Variants in NCKAP1L observed in about 807,000 individuals in gnomAD.
NCKAP1L encodes nck-associated protein 1-like.
NCKAP1L carries 53 observed loss-of-function variants against 139.2 expected under a neutral mutation model. That is an observed-to-expected ratio of 0.38 (90% confidence interval 0.31 to 0.48). The LOEUF (loss-of-function observed/expected upper bound fraction) is 0.48. Ranked by LOEUF, NCKAP1L falls within the 20% of genes least tolerant of loss-of-function variation. NCKAP1L has a pLI of 0.98. For synonymous variants in NCKAP1L, 468 were observed against 499.7 expected (o/e 0.94, Z 0.85); for missense variants, 1,151 against 1,381.9 (o/e 0.83, Z 2.65).
intron 10 of NCKAP1L, 22 bp from the exon 11 acceptor site, chr12:54,516,874 A>G (rs1233240597): frequency 2.5e-6 from 4 of 1,605,788 alleles, no homozygotes; most frequent in East Asian, 2.2e-5. Flanking sequence ...GGTGATAGTC[A>G]TGTTCCCCTT....
chr12:54,507,652 G>A (rs1956853696), intron 3 of NCKAP1L, among the ~76,000 whole-genome samples: 1 of 152,146 alleles, frequency 6.6e-6, no homozygotes, highest in South Asian at 2.1e-4. Context: ...GGAAATGTAG[G>A]CATTTGGCAG....
chr12:54,526,533 T>C lies in NCKAP1L; in HGVS notation c.2162T>C (p.Ile721Thr). ...TTTTTTTTTAAATCACCTAGAGCCA[T>C]TGTGTGGCTGGCTGGCTACAATGCC... ...SHLEARLNRAIVWLAGYNATT... is the reference protein window; with the variant it reads ...SHLEARLNRATVWLAGYNATT... The change falls in exon 21 of 31, where the codon ATT (isoleucine) becomes ACT (threonine). Residue 721 changes from isoleucine (I) to threonine (T), a missense_variant. Physicochemically the swap from Ile to Thr is moderately conservative, Grantham distance 89 (BLOSUM62 -1). Transcript: ENST00000293373. 6.2e-7 allele frequency: 1 copy of C among 1,613,172 alleles called. No homozygotes were observed. The highest frequency in any genetic ancestry group is 8.5e-7 in the Non-Finnish European group (1 of 1,179,164).
At chr12:54,504,525 T>A (rs911939778) in intron 3 of NCKAP1L, among the ~76,000 whole-genome samples, 1 of 152,140 alleles carries the variant, frequency 6.6e-6, no homozygotes, top group Non-Finnish European at 1.5e-5. Context: ...CAAAGGAGAT[T>A]TTAGAACACC....
chr12:54,506,459 G>A (rs1956839514), intron 3 of NCKAP1L, among the ~76,000 whole-genome samples: 1 of 151,762 alleles, frequency 6.6e-6, no homozygotes, highest in Non-Finnish European at 1.5e-5. Flanking sequence ...CTGGAGTGCA[G>A]TGGCATGATC....
chr12:54,525,718 C>T (rs1400056255), intron 20 of NCKAP1L, among the ~76,000 whole-genome samples: 1 of 152,084 alleles, frequency 6.6e-6, no homozygotes, highest in Non-Finnish European at 1.5e-5. Flanking sequence ...GTGGAGCAGA[C>T]CAGCCCCACC....
chr12:54,500,654 A>G (rs1565671037), intron 3 of NCKAP1L, 29 bp downstream of exon 3: 3 of 1,394,396 alleles, frequency 2.2e-6, no homozygotes, highest in Non-Finnish European at 3.1e-6. Flanking sequence ...TTTCCAATGT[A>G]GGCAAGGTCT....
chr12:54,518,412 G>A (rs369012621), intron 13 of NCKAP1L, among the ~76,000 whole-genome samples: 12 of 152,182 alleles, frequency 7.9e-5, no homozygotes, highest in South Asian at 6.2e-4. Context: ...AATCTCAGCC[G>A]TCTTTTTTTC....
At chr12:54,525,291 A>C (rs1957017669) in intron 20 of NCKAP1L, among the ~76,000 whole-genome samples, 1 of 152,242 alleles carries the variant, frequency 6.6e-6, no homozygotes, top group Admixed American at 6.5e-5. Flanking sequence ...CAGGGAAACC[A>C]GTTATGAATC....
intron 7 of NCKAP1L, among the ~76,000 whole-genome samples, chr12:54,510,645 G>A (rs1350270062): frequency 6.6e-6 from 1 of 151,324 alleles, no homozygotes; most frequent in African/African-American, 2.4e-5. Context: ...AGGTAGCTGC[G>A]ACTACAGGCA....
At position 54,544,145 on chromosome 12, in the gene NCKAP1L, C is replaced by T. The variant is rs1048203835; in HGVS notation, c.*1460C>T. The T allele has an allele frequency of 6.6e-6, 1 of 152,190 alleles. No homozygotes were observed. The highest frequency in any genetic ancestry group is 1.9e-4 in the East Asian group (1 of 5,192). The allele number at this position is 152,190 out of a possible 1,614,324, so 9.4% of individuals were successfully genotyped here. ...CTTTAGGGTGGAAGCGATAGAGAAT[C>T]CTGCTTCGTGCATCAGCAAATCCTC... is the stretch of plus-strand genomic sequence containing the variant. On this transcript the variant is annotated 3_prime_UTR_variant, in exon 31 of 31. Transcript: ENST00000293373.
intron 1 of NCKAP1L, among the ~76,000 whole-genome samples, 198 bp downstream of exon 1, chr12:54,498,089 C>T (rs1956765022): frequency 6.6e-6 from 1 of 152,082 alleles, no homozygotes; most frequent in Admixed American, 6.6e-5. Flanking sequence ...TCAAGGCTTC[C>T]CCTTTCTAGA....
Position 54,531,509 on chromosome 12 carries a change from A to T in NCKAP1L, c.2623A>T (p.Met875Leu). ...ACTACAGAAGCTGGTGGTGGAAAACATGGACATACTTGTTCAGATCAGATC... is the reference window on the plus strand; with the variant it reads ...ACTACAGAAGCTGGTGGTGGAAAACTTGGACATACTTGTTCAGATCAGATC... ...VELKKLVVEN[M>L]DILVQIRSNF... Residue 875 changes from methionine to leucine, a missense_variant, in exon 24 of 31, where the codon ATG becomes TTG. Transcript: ENST00000293373. 1 of 1,614,226 alleles carries T rather than the reference A, an allele frequency of 6.2e-7. No homozygotes were observed. The highest frequency in any genetic ancestry group is 1.1e-5 in the South Asian group (1 of 91,092).
rs1957168913 is a variant in NCKAP1L at position 54,542,775 on chromosome 12, A to C, written c.*90A>C. ...GTGGTCACTTTCGCAGGGGGTGGGA[A>C]TGGGGTGGGGTCACTAAGGAGAGAG... is the stretch of plus-strand genomic sequence containing the variant. On this transcript the variant is annotated 3_prime_UTR_variant, in exon 31 of 31. Coordinates refer to ENST00000293373, the MANE Select transcript of NCKAP1L (RefSeq NM_005337.5). 1.7e-5 allele frequency: 8 copies of C among 480,318 alleles called. No individual in the cohort carries two copies. Among genetic ancestry groups the C allele is most frequent in the East Asian group, 5.6e-5 (1 of 17,906 alleles). 29.8% of individuals were successfully genotyped at this position (480,318 alleles called of 1,614,324 possible).
chr12:54,507,947 A>G (rs778306977), intron 4 of NCKAP1L, 38 bp downstream of exon 4: 12 of 1,591,456 alleles, frequency 7.5e-6, no homozygotes, highest in Non-Finnish European at 1.0e-5. Context: ...CGTAGAGTCA[A>G]AGAAAAGGCC....
chr12:54,531,671 G>T, intron 24 of NCKAP1L, 72 bp from the exon 25 acceptor site: 1 of 1,598,778 alleles, frequency 6.3e-7, no homozygotes, highest in Non-Finnish European at 8.6e-7. Context: ...AGGCTAGGCG[G>T]GGTCTGTAGA....
At position 54,531,256 on chromosome 12, in the gene NCKAP1L, C is replaced by A. The variant is rs200001635; in HGVS notation, c.2507-4C>A. On this transcript the variant is annotated splice_polypyrimidine_tract_variant and splice_region_variant and intron_variant, in intron 22 of 30. Transcript: ENST00000293373. The stretch of plus-strand genomic sequence containing the variant: ...CATCTGGGGCCTCTGTAACTCTGTT[C>A]CAGAGATGCGGGCCTTGGCAGAACT... 7.6e-5 allele frequency: 123 copies of A among 1,611,376 alleles called. No individual in the cohort carries two copies. The highest frequency in any genetic ancestry group is 9.8e-5 in the Non-Finnish European group (115 of 1,177,596).
intron 9 of NCKAP1L, among the ~76,000 whole-genome samples, chr12:54,515,774 G>A (rs1454790598): frequency 1.3e-5 from 2 of 152,228 alleles, no homozygotes; most frequent in African/African-American, 4.8e-5. Context: ...AACTGATACA[G>A]TGAAATTCTA....
At chr12:54,506,525 C>G (rs1956839869) in intron 3 of NCKAP1L, among the ~76,000 whole-genome samples, 1 of 151,510 alleles carries the variant, frequency 6.6e-6, no homozygotes, top group Non-Finnish European at 1.5e-5. Context: ...CTCCCAGGCT[C>G]AAACAATTCT....
At chr12:54,537,438 G>T (rs1387667888) in intron 29 of NCKAP1L, among the ~76,000 whole-genome samples, 32 of 152,124 alleles carry the variant, frequency 2.1e-4, no homozygotes, top group Non-Finnish European at 1.5e-5. Context: ...ATGAACCTTG[G>T]TATGCATCAG....
Sources: gnomAD v4.1 joint callset for allele counts (sites outside exome capture counted in the v4.1 genomes callset) on GRCh38, gnomAD v4.1.1 for gene constraint, MANE v1.5 for transcripts, NCBI Gene and HGNC (gene_info 2026-07-23, HGNC 2026-07-21) for gene names.